Variants in FAR2 observed in about 807,000 individuals in gnomAD.
FAR2 encodes epididymis secretory protein Li 81.
FAR2 carries 19 observed loss-of-function variants against 56.0 expected under a neutral mutation model. The observed-to-expected ratio is 0.34, with a 90% CI of 0.24 to 0.50. FAR2 has a LOEUF of 0.50. Among genes scored for constraint, FAR2 ranks in the 20% least tolerant of loss-of-function variants. The pLI is 0.98. For synonymous variants in FAR2, 219 were observed against 218.8 expected, an observed-to-expected ratio of 1.00 and a Z score of -0.01; for missense variants, 508 against 642.2, an observed-to-expected ratio of 0.79 and a Z score of 2.26.
chr12:29,224,482 AG>A (rs1215652633), intron 1 of FAR2, among the ~76,000 whole-genome samples: 2 of 152,254 alleles, frequency 1.3e-5, no homozygotes, highest in Non-Finnish European at 2.9e-5. Flanking sequence ...GAATTTGCCT[AG>A]GAAAATCAAT....
chr12:29,283,439 C>T (rs1390530793), intron 2 of FAR2, among the ~76,000 whole-genome samples: 2 of 152,078 alleles, frequency 1.3e-5, no homozygotes, highest in East Asian at 3.8e-4. Context: ...ATACGATGAA[C>T]ACATTACACT....
chr12:29,221,033 G>A (rs995832834), intron 1 of FAR2, among the ~76,000 whole-genome samples: 1 of 152,070 alleles, frequency 6.6e-6, no homozygotes, highest in Non-Finnish European at 1.5e-5. Flanking sequence ...TGTGTTTACT[G>A]GAGTTGTGCG....
intron 1 of FAR2, among the ~76,000 whole-genome samples, chr12:29,238,919 G>A (rs1947982245): frequency 6.6e-6 from 1 of 152,130 alleles, no homozygotes; most frequent in Non-Finnish European, 1.5e-5. Context: ...GCTTCCGTGA[G>A]TTGTAGAAGT....
intron 1 of FAR2, among the ~76,000 whole-genome samples, chr12:29,158,399 A>C (rs1009066069): frequency 2.0e-5 from 3 of 152,248 alleles, no homozygotes; most frequent in South Asian, 2.1e-4. Context: ...AGCTGCAGGA[A>C]TCTTTGATGG....
At position 29,229,954 on chromosome 12, in the gene FAR2, T is replaced by C. The variant is rs183898566; in HGVS notation, c.-38-40458T>C. Reference sequence around the variant, plus strand: ...TAAAGGGAACGGCATTCATTCTTCCTGCAGCCTTTCAACAACTTCAGGCAC... The same window carrying C: ...TAAAGGGAACGGCATTCATTCTTCCCGCAGCCTTTCAACAACTTCAGGCAC... On this transcript the variant is annotated intron_variant, in intron 1 of 11. Coordinates refer to ENST00000536681, the MANE Select transcript of FAR2 (RefSeq NM_001271783.2). Among the ~76,000 whole-genome samples, 616 of 152,276 alleles carry C rather than the reference T, an allele frequency of 4.0e-3. 2 individuals are homozygous for C. Among genetic ancestry groups the C allele is most frequent in the Non-Finnish European group, 6.5e-3 (443 of 68,020 alleles).
chr12:29,242,426 C>A (rs754521209), intron 1 of FAR2, among the ~76,000 whole-genome samples: 1 of 152,186 alleles, frequency 6.6e-6, no homozygotes, highest in Non-Finnish European at 1.5e-5. Flanking sequence ...TTACTAAGTG[C>A]AATTCCCTAA....
intron 1 of FAR2, among the ~76,000 whole-genome samples, chr12:29,180,196 G>A (rs1949979030): frequency 6.6e-6 from 1 of 151,998 alleles, no homozygotes; most frequent in Non-Finnish European, 1.5e-5. Context: ...TTCACGGTGG[G>A]TAAAATAATA....
chr12:29,238,525 A>G (rs1162703303), intron 1 of FAR2, among the ~76,000 whole-genome samples: 2 of 152,124 alleles, frequency 1.3e-5, no homozygotes, highest in Non-Finnish European at 2.9e-5. Context: ...CTGGAACTAC[A>G]TAAAAGCTCT....
intron 2 of FAR2, among the ~76,000 whole-genome samples, chr12:29,288,417 G>A (rs1289145560): frequency 6.6e-6 from 1 of 152,038 alleles, no homozygotes; most frequent in East Asian, 1.9e-4. Flanking sequence ...TAATTATATT[G>A]TTCTTTATTG....
In FAR2 at chr12:29,332,582, A is replaced by C; in HGVS notation, c.1258-18A>C. 1 of 1,613,234 alleles carries C rather than the reference A, an allele frequency of 6.2e-7. No homozygotes were observed. The highest frequency in any genetic ancestry group is 8.5e-7 in the Non-Finnish European group (1 of 1,179,462). On this transcript the variant is annotated intron_variant, in intron 10 of 11. Coordinates refer to ENST00000536681, the MANE Select transcript of FAR2 (RefSeq NM_001271783.2). ...AGCACTGCAATTCTGGCAATCTATA[A>C]TCTCTCTTGCCTCTCAGGTATTCAA...
intron 1 of FAR2, among the ~76,000 whole-genome samples, chr12:29,163,502 A>C (rs751125496): frequency 3.9e-5 from 6 of 152,192 alleles, no homozygotes; most frequent in Non-Finnish European, 8.8e-5. Flanking sequence ...TATTGTCCTG[A>C]TTGTGCTCTA....
intron 2 of FAR2, among the ~76,000 whole-genome samples, chr12:29,276,569 C>T (rs965626454): frequency 5.3e-5 from 8 of 152,128 alleles, no homozygotes; most frequent in Non-Finnish European, 1.0e-4. Flanking sequence ...TTTATTGCTG[C>T]GTATCCCAAA....
chr12:29,319,163 G>A (rs1949512287), intron 9 of FAR2, among the ~76,000 whole-genome samples: 1 of 151,822 alleles, frequency 6.6e-6, no homozygotes. Flanking sequence ...GCTAATTTTT[G>A]TATTTTTAGC....
At chr12:29,291,327 GTTA>G (rs1296162155) in intron 2 of FAR2, 2 of 453,902 alleles carry the variant, frequency 4.4e-6, no homozygotes, top group African/African-American at 2.0e-5. Flanking sequence ...AATTTCCTAG[GTTA>G]CACACAAAAC....
At chr12:29,267,014 TTC>T (rs1251158091) in intron 1 of FAR2, among the ~76,000 whole-genome samples, 1 of 152,208 alleles carries the variant, frequency 6.6e-6, no homozygotes, top group Non-Finnish European at 1.5e-5. Flanking sequence ...TCAACTTTCC[TTC>T]TGTTTTTGTG....
At chr12:29,249,940 C>T (rs1386297750) in intron 1 of FAR2, among the ~76,000 whole-genome samples, 3 of 152,158 alleles carry the variant, frequency 2.0e-5, no homozygotes, top group Non-Finnish European at 4.4e-5. Context: ...GGCCTTATCT[C>T]AGCCTTCCTT....
chr12:29,220,970 G>A (rs78908793), intron 1 of FAR2, among the ~76,000 whole-genome samples: 6,515 of 152,114 alleles, frequency 0.043, 356 homozygotes, highest in African/African-American at 0.13. Flanking sequence ...CTTGGGGCAG[G>A]CTGTCCTTAT....
chr12:29,220,734 C>G (rs11050136), intron 1 of FAR2, among the ~76,000 whole-genome samples: 26,097 of 151,936 alleles, frequency 0.17, 2,876 homozygotes, highest in African/African-American at 0.3. Context: ...CTTGCCTCCT[C>G]AGAAGAAAGA....
rs377652142 is a variant in FAR2, at chr12:29,174,525, A to G, written c.-39+25118A>G. Among the ~76,000 whole-genome samples, 751 of 127,458 alleles carry G rather than the reference A, an allele frequency of 5.9e-3. 13 individuals are homozygous for G. The highest frequency in any genetic ancestry group is 0.021 in the African/African-American group (704 of 32,888). The allele number at this position is 127,458 out of a possible 152,430, so 83.6% of individuals were successfully genotyped here. A position where few individuals can be genotyped will look rare whatever the true frequency, so the allele number is the denominator to read the frequency against. On this transcript the variant is annotated intron_variant, in intron 1 of 11. Transcript: ENST00000536681. ...AATCTCGGCCTCCCCAGTTCATGCC[A>G]TTCTCCTGTCTCAGCCTCCCAAGTA... is the stretch of plus-strand genomic sequence containing the variant.
Sources: gnomAD v4.1 joint callset for allele counts (sites outside exome capture counted in the v4.1 genomes callset) on GRCh38, gnomAD v4.1.1 for gene constraint, MANE v1.5 for transcripts, NCBI Gene and HGNC (gene_info 2026-07-23, HGNC 2026-07-21) for gene names.